Variants in TNIP1 observed in about 807,000 individuals in gnomAD.
TNIP1 encodes TNFAIP3-interacting protein 1.
TNIP1 carries 22 observed loss-of-function variants against 86.6 expected under a neutral mutation model. The observed-to-expected ratio is 0.25, with a 90% CI of 0.18 to 0.36. TNIP1 has a LOEUF of 0.36. TNIP1 is among the 10% of genes least tolerant of loss of function. TNIP1 has a pLI of 1.00. For synonymous variants in TNIP1, 294 were observed against 313.0 expected (o/e 0.94, Z 0.64); for missense variants, 709 against 820.6 (o/e 0.86, Z 1.66).
At chr5:151,049,774 C>T in intron 8 of TNIP1, 50 bp downstream of exon 8, 3 of 1,609,058 alleles carry the variant, frequency 1.9e-6, no homozygotes, top group African/African-American at 1.3e-5. Flanking sequence ...TAAGCAGAGG[C>T]TGAGTACCTG....
At chr5:151,082,286 C>A (rs947622248), upstream of TNIP1, among the ~76,000 whole-genome samples, 27 of 152,168 alleles carry the variant, frequency 1.8e-4, no homozygotes, top group African/African-American at 6.3e-4. Flanking sequence ...AAACGATATT[C>A]ATTCTAGTTT....
intron 1 of TNIP1, among the ~76,000 whole-genome samples, chr5:151,072,899 C>G (rs1762970110): frequency 6.6e-6 from 1 of 152,188 alleles, no homozygotes; most frequent in South Asian, 2.1e-4. Context: ...GTATGCCTAA[C>G]TGGTGAGAAC....
At chr5:151,086,730 T>A (rs1374149608) in intron 1 of TNIP1, among the ~76,000 whole-genome samples, 1 of 152,180 alleles carries the variant, frequency 6.6e-6, no homozygotes, top group Non-Finnish European at 1.5e-5. Context: ...ACCTCCCTTT[T>A]CTTGAGGGAA....
At chr5:151,078,833 A>G (rs897274137) in intron 1 of TNIP1, among the ~76,000 whole-genome samples, 3 of 152,180 alleles carry the variant, frequency 2.0e-5, no homozygotes, top group Non-Finnish European at 2.9e-5. Flanking sequence ...CAGGAGTAAA[A>G]CAGTAACCAG....
chr5:151,036,691 T>C, intron 13 of TNIP1, 99 bp downstream of exon 13: 4 of 1,574,826 alleles, frequency 2.5e-6, no homozygotes, highest in Non-Finnish European at 3.5e-6. Flanking sequence ...AGTGGATTAC[T>C]AATTACAGGT....
chr5:151,072,445 T>G (rs903457124), intron 1 of TNIP1, among the ~76,000 whole-genome samples: 2 of 152,176 alleles, frequency 1.3e-5, no homozygotes, highest in Non-Finnish European at 2.9e-5. Flanking sequence ...GCTGGCCAAC[T>G]TTAGCAATCC....
intron 5 of TNIP1, among the ~76,000 whole-genome samples, chr5:151,059,818 AGAGAGAGAGAGTGTGTGTGT>A (rs1265521624): frequency 1.1e-3 from 117 of 102,972 alleles, no homozygotes; most frequent in Admixed American, 2.9e-3. Flanking sequence ...AGAGAGAGAG[AGAGAGAGAGAGTGTGTGTGT>A]GTGTGTGTGT....
chr5:151,039,740 T>C (rs1758180495), intron 11 of TNIP1, among the ~76,000 whole-genome samples: 2 of 152,334 alleles, frequency 1.3e-5, no homozygotes, highest in Admixed American at 1.3e-4. Context: ...TAACAGACAC[T>C]GCAGCTCATA....
chr5:151,042,982 T>A, intron 9 of TNIP1, 21 bp from the exon 10 acceptor site: 2 of 1,613,804 alleles, frequency 1.2e-6, no homozygotes, highest in Non-Finnish European at 1.7e-6. Flanking sequence ...AGACTGGAGT[T>A]AGCAGGAGAT....
intron 12 of TNIP1, among the ~76,000 whole-genome samples, chr5:151,038,436 G>A (rs888659200): frequency 2.0e-5 from 3 of 152,118 alleles, no homozygotes; most frequent in East Asian, 3.9e-4. Flanking sequence ...ACCAGGGCTC[G>A]GATGGCAAAA....
intron 8 of TNIP1, among the ~76,000 whole-genome samples, chr5:151,048,107 G>C (rs1024353090): frequency 1.3e-5 from 2 of 152,224 alleles, no homozygotes; most frequent in African/African-American, 4.8e-5. Flanking sequence ...AAAGGGGACA[G>C]ACAGGCCTGC....
At position 151,032,281 on chromosome 5, in the gene TNIP1, G is replaced by A; in HGVS notation, c.1876+6C>T. ...GGAGGACCAAGACTCAGTATTAGGG[G>A]CTCACCTGGTTCTGTAGGCCTGGCT... On this transcript the variant is annotated splice_donor_region_variant and intron_variant, in intron 17 of 17. Coordinates refer to ENST00000521591, the MANE Select transcript of TNIP1 (RefSeq NM_006058.5). The A allele has an allele frequency of 6.2e-7, 1 of 1,610,870 alleles. No individual in the cohort carries two copies. The highest frequency in any genetic ancestry group is 8.5e-7 in the Non-Finnish European group (1 of 1,177,478).
At chr5:151,072,709 T>C (rs1419101373) in intron 1 of TNIP1, among the ~76,000 whole-genome samples, 4 of 151,784 alleles carry the variant, frequency 2.6e-5, no homozygotes, top group African/African-American at 4.8e-5. Context: ...ACACTATCTC[T>C]AGTTGGTTCT....
intron 1 of TNIP1, among the ~76,000 whole-genome samples, chr5:151,067,880 C>T (rs1561530313): frequency 6.6e-6 from 1 of 152,208 alleles, no homozygotes; most frequent in Admixed American, 6.5e-5. Context: ...AGAATCCAGG[C>T]TGGGCCAGCC....
At chr5:151,049,986 C>T in intron 7 of TNIP1, 39 bp from the exon 8 acceptor site, 2 of 1,612,608 alleles carry the variant, frequency 1.2e-6, no homozygotes, top group Middle Eastern at 1.7e-4. Context: ...AATGCTGACC[C>T]TGAGTTAAGA....
Position 151,040,182 on chromosome 5 carries a change from A to G in TNIP1, c.1135-957T>C, listed in dbSNP as rs75954108. Among the ~76,000 whole-genome samples the G allele has an allele frequency of 5.4e-3, 824 of 152,362 alleles. 7 individuals are homozygous for G. The highest frequency in any genetic ancestry group is 0.019 in the African/African-American group (790 of 41,582). On this transcript the variant is annotated intron_variant, in intron 11 of 17. Coordinates refer to ENST00000521591, the MANE Select transcript of TNIP1 (RefSeq NM_006058.5). Reference sequence around the variant, plus strand: ...ATAAACTATATATTCCTATGTGTACATATATGCGAGAAAGGTCTGGAAACA... The same window carrying G: ...ATAAACTATATATTCCTATGTGTACGTATATGCGAGAAAGGTCTGGAAACA...
At chr5:151,085,485 C>T (rs999198745), upstream of TNIP1, among the ~76,000 whole-genome samples, 2 of 152,252 alleles carry the variant, frequency 1.3e-5, no homozygotes, top group African/African-American at 4.8e-5. Flanking sequence ...TTTCTCCAGG[C>T]TCTTTCCCCT....
chr5:151,031,867 C>T (rs1756944223), intron 17 of TNIP1, among the ~76,000 whole-genome samples: 1 of 152,338 alleles, frequency 6.6e-6, no homozygotes, highest in Middle Eastern at 3.4e-3. Context: ...AGAGTCTCAA[C>T]TCAAATGCTG....
chr5:151,035,442 T>TG, intron 14 of TNIP1, 140 bp downstream of exon 14: 1 of 1,275,906 alleles, frequency 7.8e-7, no homozygotes, highest in South Asian at 1.4e-5. Context: ...GGAAGGGCCT[T>TG]GCCGAGCTCA....
Sources: gnomAD v4.1 joint callset for allele counts (sites outside exome capture counted in the v4.1 genomes callset) on GRCh38, gnomAD v4.1.1 for gene constraint, MANE v1.5 for transcripts, NCBI Gene and HGNC (gene_info 2026-07-23, HGNC 2026-07-21) for gene names.